Variants in SLIT1 observed in about 807,000 individuals in gnomAD.
SLIT1 encodes the protein slit homolog 1 protein.
In SLIT1, 66 loss-of-function variants were observed where a neutral mutation model predicts 186.1. The ratio of observed to expected loss-of-function variants is 0.35; its 90% CI spans 0.29 to 0.44. The LOEUF is 0.44. SLIT1 is among the 20% of genes least tolerant of loss of function. The probability of loss-of-function intolerance (pLI) is 1.00; values close to 1 mark genes in which losing one functional copy is unlikely to be tolerated. For missense variants in SLIT1, 1,638 were observed against 2,037.4 expected (o/e 0.80, Z 3.77); for synonymous variants, 761 against 833.8 (o/e 0.91, Z 1.50).
At chr10:97,119,912 G>GATATAT (rs1564680617) in intron 4 of SLIT1, among the ~76,000 whole-genome samples, 1 of 15,838 alleles carries the variant, frequency 6.3e-5, no homozygotes, top group East Asian at 1.5e-3. Context: ...TTTCCAAAGG[G>GATATAT]GTATATATAT....
rs775497174 is a variant in SLIT1 at position 97,001,167 on chromosome 10, G to A, written c.4550C>T (p.Ser1517Phe). ...KFTFECSDGT[S>F]FAEEVEKPTK... ...GGGCTTTTCCACCTCCTCGGCAAAA[G>A]AGGTCCCATCGCTGCACTCAAAGGT... Residue 1517 changes from serine to phenylalanine, a missense_variant, in exon 37 of 37, where the codon TCT becomes TTT. By Grantham distance (155) the Ser-to-Phe change is radical. Coordinates refer to ENST00000266058, the MANE Select transcript of SLIT1 (RefSeq NM_003061.3). The A allele has an allele frequency of 8.7e-6, 14 of 1,613,270 alleles. No homozygotes were observed. In the South Asian group the frequency reaches 1.4e-4, roughly 16 times the overall value.
rs979019310 is a variant in SLIT1, at chr10:97,035,398, A to C, written c.2367-856T>G. Among the ~76,000 whole-genome samples, 13 of 151,830 alleles carry C rather than the reference A, an allele frequency of 8.6e-5. No homozygotes were observed. The East Asian group carries it at 1.2e-3, about 14-fold the overall frequency. On this transcript the variant is annotated intron_variant, in intron 22 of 36. Transcript: ENST00000266058. ...CCACAGATACTCAAACTCCGCCCGC[A>C]TCTTGTTCTCCCTACCACGCCCCAT...
chr10:97,144,457 C>T (rs1564687185), intron 4 of SLIT1, among the ~76,000 whole-genome samples: 1 of 152,194 alleles, frequency 6.6e-6, no homozygotes. Context: ...TATGAAGTCA[C>T]TACCCCATTT....
chr10:97,014,216 G>C, intron 28 of SLIT1, 58 bp from the exon 29 acceptor site: 1 of 1,579,102 alleles, frequency 6.3e-7, no homozygotes, highest in Non-Finnish European at 8.6e-7. Context: ...GTGGAAGCCT[G>C]TGGCTGCCGG....
chr10:97,064,112 C>T, intron 7 of SLIT1, 56 bp downstream of exon 7: 5 of 1,417,842 alleles, frequency 3.5e-6, no homozygotes, highest in Non-Finnish European at 4.9e-6. Flanking sequence ...CCCCACCCAC[C>T]CCCTGGCATC....
rs946690051 is a variant in SLIT1, at chr10:96,998,160, T to C, written c.*2952A>G. ...CCTGTTCTAAACCAGCCTCTAGGAG[T>C]TGATCCAAACAAGACGACTACAGAA... is the stretch of plus-strand genomic sequence containing the variant. On this transcript the variant is annotated 3_prime_UTR_variant, in exon 37 of 37. Transcript: ENST00000266058. 1.3e-5 allele frequency: 2 copies of C among 151,964 alleles called. No individual in the cohort carries two copies. The highest frequency in any genetic ancestry group is 1.9e-4 in the East Asian group (1 of 5,182). 9.4% of individuals were successfully genotyped at this position (151,964 alleles called of 1,614,324 possible). A position where few individuals can be genotyped will look rare whatever the true frequency, so the allele number is the denominator to read the frequency against.
intron 20 of SLIT1, among the ~76,000 whole-genome samples, chr10:97,042,053 G>A (rs945371040): frequency 3.3e-5 from 5 of 152,026 alleles, no homozygotes; most frequent in Admixed American, 3.3e-4. Flanking sequence ...TTAGAAGTCA[G>A]AAGCAAAAGT....
rs1335310630 is a variant in SLIT1, at chr10:96,998,371, T to G, written c.*2741A>C. On this transcript the variant is annotated 3_prime_UTR_variant, in exon 37 of 37. Coordinates refer to ENST00000266058, the MANE Select transcript of SLIT1 (RefSeq NM_003061.3). The stretch of plus-strand genomic sequence containing the variant: ...ACCAGCAGGCAAAGAGGAGACAAAG[T>G]CCAGCCTTTTCCACTTCCTGACACC... The G allele has an allele frequency of 6.6e-6, 1 of 152,222 alleles. No individual in the cohort carries two copies. 9.4% of individuals were successfully genotyped at this position (152,222 alleles called of 1,614,324 possible). A position where few individuals can be genotyped will look rare whatever the true frequency, so the allele number is the denominator to read the frequency against.
At chr10:97,156,381 C>T (rs1849952292) in intron 4 of SLIT1, among the ~76,000 whole-genome samples, 1 of 152,110 alleles carries the variant, frequency 6.6e-6, no homozygotes, top group African/African-American at 2.4e-5. Context: ...AGTTTGAAAC[C>T]AGCCTGGGCA....
intron 25 of SLIT1, among the ~76,000 whole-genome samples, chr10:97,027,149 C>T (rs1564656575): frequency 6.6e-6 from 1 of 152,204 alleles, no homozygotes; most frequent in African/African-American, 2.4e-5. Flanking sequence ...CTGGCTAACC[C>T]TCGATTGTCA....
intron 4 of SLIT1, among the ~76,000 whole-genome samples, chr10:97,140,033 G>T (rs1276998172): frequency 6.6e-6 from 1 of 152,026 alleles, no homozygotes; most frequent in African/African-American, 2.4e-5. Context: ...TCTTTCCAGG[G>T]GCCTTGCAGG....
At chr10:97,042,073 G>T (rs1359737967) in intron 20 of SLIT1, among the ~76,000 whole-genome samples, 2 of 152,080 alleles carry the variant, frequency 1.3e-5, no homozygotes, top group African/African-American at 2.4e-5. Context: ...TATTCTTAGA[G>T]AATTCATTAA....
chr10:97,129,200 G>A (rs528600052), intron 4 of SLIT1, among the ~76,000 whole-genome samples: 3 of 152,130 alleles, frequency 2.0e-5, no homozygotes, highest in African/African-American at 7.2e-5. Flanking sequence ...TCAGGAGTTC[G>A]AGACCAGCCT....
In SLIT1 at chr10:97,060,800, G is replaced by A. The variant is rs1349208608; in HGVS notation, c.794-13C>T. 6.3e-7 allele frequency: 1 copy of A among 1,578,874 alleles called. No individual in the cohort carries two copies. The highest frequency in any genetic ancestry group is 8.6e-7 in the Non-Finnish European group (1 of 1,162,530). ...GCTTCTCCCTGGCCTGCAGAAACAG[G>A]GGGGTGTGGCCTCAGGCTGTCATGC... is the stretch of plus-strand genomic sequence containing the variant. On this transcript the variant is annotated splice_polypyrimidine_tract_variant and intron_variant, in intron 8 of 36. Coordinates refer to ENST00000266058, the MANE Select transcript of SLIT1 (RefSeq NM_003061.3).
chr10:97,077,594 G>A (rs1048501886), intron 4 of SLIT1, among the ~76,000 whole-genome samples: 1 of 152,150 alleles, frequency 6.6e-6, no homozygotes, highest in African/African-American at 2.4e-5. Context: ...ACATAAGTTT[G>A]TAAGAGGAGA....
chr10:97,109,975 G>A (rs1218104537), intron 4 of SLIT1, among the ~76,000 whole-genome samples: 1 of 152,160 alleles, frequency 6.6e-6, no homozygotes, highest in African/African-American at 2.4e-5. Flanking sequence ...CAGTAGTTAG[G>A]ACAGACCCTT....
chr10:97,102,506 C>T (rs1395229540), intron 4 of SLIT1: 1 of 151,700 alleles, frequency 6.6e-6, no homozygotes, highest in Non-Finnish European at 1.5e-5. Context: ...CAGGGACACG[C>T]AAAGGTGACA....
At chr10:97,170,639 C>T (rs921299999) in intron 1 of SLIT1, among the ~76,000 whole-genome samples, 7 of 152,206 alleles carry the variant, frequency 4.6e-5, no homozygotes, top group Non-Finnish European at 8.8e-5. Context: ...TCCTTCTCCC[C>T]AAGGAGGAAA....
intron 4 of SLIT1, among the ~76,000 whole-genome samples, chr10:97,077,773 C>T (rs931314850): frequency 1.3e-5 from 2 of 152,150 alleles, no homozygotes; most frequent in Non-Finnish European, 2.9e-5. Flanking sequence ...GGAATTAAAG[C>T]TCACACATGC....
Sources: gnomAD v4.1 joint callset for allele counts (sites outside exome capture counted in the v4.1 genomes callset) on GRCh38, gnomAD v4.1.1 for gene constraint, MANE v1.5 for transcripts, NCBI Gene and HGNC (gene_info 2026-07-23, HGNC 2026-07-21) for gene names.